Variants in ARHGAP24 observed in about 807,000 individuals in gnomAD.
ARHGAP24 encodes the protein rho GTPase-activating protein 24.
Under a neutral mutation model 76.4 loss-of-function variants are expected in ARHGAP24, and 50 were observed. The ratio of observed to expected loss-of-function variants is 0.65; its 90% CI spans 0.52 to 0.83. The LOEUF (loss-of-function observed/expected upper bound fraction) is 0.83, where lower values mean the gene tolerates loss of function less well. Among genes scored for constraint, ARHGAP24 ranks in the 40% least tolerant of loss-of-function variants. The pLI is 0.00. For missense variants in ARHGAP24, 930 were observed against 914.2 expected (o/e 1.02, Z -0.22); for synonymous variants, 345 against 323.3 (o/e 1.07, Z -0.72).
chr4:85,940,814 C>T (rs1157489023), intron 4 of ARHGAP24, among the ~76,000 whole-genome samples: 1 of 152,026 alleles, frequency 6.6e-6, no homozygotes, highest in East Asian at 1.9e-4. Context: ...AATTTGATAC[C>T]AGGTGTAGAA....
intron 3 of ARHGAP24, among the ~76,000 whole-genome samples, chr4:85,868,746 T>C (rs1029584267): frequency 1.3e-5 from 2 of 152,108 alleles, no homozygotes; most frequent in South Asian, 2.1e-4. Context: ...GGTGTAGTTA[T>C]CTAAGAACTC....
chr4:85,850,349 A>G (rs28814882), intron 3 of ARHGAP24, among the ~76,000 whole-genome samples: 72,339 of 151,650 alleles, frequency 0.48, 18,727 homozygotes, highest in East Asian at 0.86. Context: ...TTTCTTCTTT[A>G]TTAGTCTTGC....
intron 3 of ARHGAP24, among the ~76,000 whole-genome samples, chr4:85,907,124 A>G (rs1020598799): frequency 3.3e-5 from 5 of 152,142 alleles, no homozygotes; most frequent in African/African-American, 4.8e-5. Context: ...GCCTTAGCTG[A>G]ACTCTGAGCT....
chr4:85,881,901 T>A (rs1733275164), intron 3 of ARHGAP24, among the ~76,000 whole-genome samples: 1 of 152,230 alleles, frequency 6.6e-6, no homozygotes, highest in African/African-American at 2.4e-5. Flanking sequence ...TTATAGGGAA[T>A]AATAAACATG....
chr4:85,700,791 G>A (rs190860049), intron 2 of ARHGAP24, among the ~76,000 whole-genome samples: 1 of 152,272 alleles, frequency 6.6e-6, no homozygotes, highest in African/African-American at 2.4e-5. Flanking sequence ...AGTAGACATG[G>A]TGAATGTAAG....
At chr4:85,493,995 T>A (rs374378733) in intron 1 of ARHGAP24, among the ~76,000 whole-genome samples, 1 of 152,212 alleles carries the variant, frequency 6.6e-6, no homozygotes, top group East Asian at 1.9e-4. Flanking sequence ...TGCTTTGACC[T>A]ACAAGGAAAA....
chr4:85,490,357 A>C (rs1440405610), intron 1 of ARHGAP24, among the ~76,000 whole-genome samples: 3 of 152,228 alleles, frequency 2.0e-5, no homozygotes, highest in Non-Finnish European at 2.9e-5. Flanking sequence ...GCTTGGAGGC[A>C]GTCAGCAGAG....
rs149245831 is a variant in ARHGAP24, at chr4:85,918,128, G to A, written c.269-5520G>A. ...CTGGAAATTATAGAAAAGTACAAAA[G>A]GAGAGCAAAAAATCTCCCAATCTTA... is the stretch of plus-strand genomic sequence containing the variant. On this transcript the variant is annotated intron_variant, in intron 3 of 9. Transcript: ENST00000395184. Among the ~76,000 whole-genome samples, 337 of 151,708 alleles carry A rather than the reference G, an allele frequency of 2.2e-3. 1 individual carries two copies. The highest frequency in any genetic ancestry group is 7.9e-3 in the African/African-American group (325 of 41,390).
At chr4:85,526,203 T>A (rs1188917223) in intron 1 of ARHGAP24, among the ~76,000 whole-genome samples, 1 of 151,730 alleles carries the variant, frequency 6.6e-6, no homozygotes, top group East Asian at 1.9e-4. Context: ...CTGAGCGAAG[T>A]GTTTAAGACT....
chr4:85,565,018 T>C (rs977972409), intron 1 of ARHGAP24, among the ~76,000 whole-genome samples: 1 of 145,506 alleles, frequency 6.9e-6, no homozygotes, highest in Admixed American at 6.9e-5. Flanking sequence ...TACACATATG[T>C]GCACTTGCAT....
At chr4:85,975,983 A>G (rs1404217321) in intron 7 of ARHGAP24, among the ~76,000 whole-genome samples, 1 of 152,220 alleles carries the variant, frequency 6.6e-6, no homozygotes, top group Non-Finnish European at 1.5e-5. Context: ...AAAAGCAGGA[A>G]ATCATGCCAT....
chr4:85,546,797 T>C (rs182810835), intron 1 of ARHGAP24, among the ~76,000 whole-genome samples: 68 of 152,344 alleles, frequency 4.5e-4, no homozygotes, highest in African/African-American at 1.6e-3. Context: ...CTTATTATTT[T>C]CACATACTTT....
chr4:85,674,239 A>G (rs1560579917), intron 2 of ARHGAP24, among the ~76,000 whole-genome samples: 1 of 152,144 alleles, frequency 6.6e-6, no homozygotes, highest in Admixed American at 6.6e-5. Flanking sequence ...ACACTTTAAG[A>G]ACCACTGCCA....
intron 2 of ARHGAP24, among the ~76,000 whole-genome samples, chr4:85,618,183 T>A (rs1428714545): frequency 1.3e-5 from 2 of 152,190 alleles, no homozygotes; most frequent in African/African-American, 4.8e-5. Flanking sequence ...TGCCCTACTA[T>A]TCTCTACTTC....
intron 3 of ARHGAP24, among the ~76,000 whole-genome samples, chr4:85,918,272 T>A (rs1436380747): frequency 2.6e-5 from 4 of 151,892 alleles, no homozygotes; most frequent in African/African-American, 4.8e-5. Flanking sequence ...ATATATCTAC[T>A]TTTATATAAT....
intron 3 of ARHGAP24, among the ~76,000 whole-genome samples, chr4:85,768,036 C>G (rs749693986): frequency 4.6e-5 from 7 of 152,068 alleles, no homozygotes; most frequent in Non-Finnish European, 7.3e-5. Flanking sequence ...AGAGACTGGC[C>G]CTCACAGTCT....
At chr4:85,677,281 T>G (rs1431738545) in intron 2 of ARHGAP24, among the ~76,000 whole-genome samples, 2 of 152,186 alleles carry the variant, frequency 1.3e-5, no homozygotes, top group Non-Finnish European at 2.9e-5. Context: ...AAATTTATCT[T>G]GTAGTCCTGA....
At chr4:85,728,845 CCTT>C (rs1289431814) in intron 3 of ARHGAP24, among the ~76,000 whole-genome samples, 1 of 152,144 alleles carries the variant, frequency 6.6e-6, no homozygotes, top group African/African-American at 2.4e-5. Context: ...ATTTGTGACT[CCTT>C]CTGGGTTGAA....
intron 3 of ARHGAP24, among the ~76,000 whole-genome samples, chr4:85,765,834 C>G (rs1387892137): frequency 6.6e-6 from 1 of 152,088 alleles, no homozygotes; most frequent in Non-Finnish European, 1.5e-5. Flanking sequence ...AACACGAGAT[C>G]TCACATACAG....
Sources: gnomAD v4.1 joint callset for allele counts (sites outside exome capture counted in the v4.1 genomes callset) on GRCh38, gnomAD v4.1.1 for gene constraint, MANE v1.5 for transcripts, NCBI Gene and HGNC (gene_info 2026-07-23, HGNC 2026-07-21) for gene names.